TCERG1L: variants seen among roughly 807,000 people sequenced by gnomAD.
TCERG1L encodes transcription elongation regulator 1-like protein.
A neutral mutation model predicts 56.3 loss-of-function variants in TCERG1L; 37 were observed. The ratio of observed to expected loss-of-function variants is 0.66; its 90% CI spans 0.51 to 0.87. The LOEUF is 0.87. Ranked by LOEUF, TCERG1L falls within the 40% of genes least tolerant of loss-of-function variation. The pLI, the probability that TCERG1L is intolerant of heterozygous loss-of-function variation, is 0.00. For synonymous variants in TCERG1L, 324 were observed against 326.3 expected, an observed-to-expected ratio of 0.99 and a Z score of 0.08; for missense variants, 799 against 774.2, an observed-to-expected ratio of 1.03 and a Z score of -0.38.
rs115440013 is a variant in TCERG1L at position 131,187,617 on chromosome 10, G to A, written c.857-20732C>T. 3.2e-3 allele frequency among the ~76,000 whole-genome samples: 482 copies of A among 152,262 alleles called. 5 individuals carry two copies. The highest frequency in any genetic ancestry group is 0.011 in the African/African-American group (460 of 41,536). On this transcript the variant is annotated intron_variant, in intron 4 of 11. Coordinates refer to ENST00000368642, the MANE Select transcript of TCERG1L (RefSeq NM_174937.4). ...AAGAATGGCATGGTGGAAAACCAAA[G>A]GCCAAAATCAATAATCTGCCGCTTC...
chr10:131,163,629 C>G (rs1846000802), intron 5 of TCERG1L, among the ~76,000 whole-genome samples: 1 of 152,178 alleles, frequency 6.6e-6, no homozygotes, highest in Middle Eastern at 3.2e-3. Context: ...AGCCTCAAAG[C>G]TGGGGCTGCC....
At chr10:131,305,870 T>G (rs1846814095) in intron 3 of TCERG1L, among the ~76,000 whole-genome samples, 1 of 150,652 alleles carries the variant, frequency 6.6e-6, no homozygotes, top group Admixed American at 6.6e-5. Flanking sequence ...TTATATATTT[T>G]AAATGTAGTA....
In TCERG1L at chr10:131,118,492, C is replaced by T. The variant is rs752564865; in HGVS notation, c.1260-1558G>A. Among the ~76,000 whole-genome samples, 57 of 152,266 alleles carry T rather than the reference C, an allele frequency of 3.7e-4. No homozygotes were observed. The highest frequency in any genetic ancestry group is 7.6e-4 in the Non-Finnish European group (52 of 68,016). ...CCTTTGCATTGCCCAATGTGAGCAA[C>T]GGTCCTGCTAAACTGATTAGCCATA... is the stretch of plus-strand genomic sequence containing the variant. On this transcript the variant is annotated intron_variant, in intron 8 of 11. Coordinates refer to ENST00000368642, the MANE Select transcript of TCERG1L (RefSeq NM_174937.4). This position sits in a 1 kb window ranked among gnomAD's most constrained non-coding sequence, Gnocchi z 4.2.
intron 9 of TCERG1L, among the ~76,000 whole-genome samples, chr10:131,114,713 G>A (rs61862988): frequency 0.12 from 18,349 of 152,118 alleles, 1,280 homozygotes; most frequent in South Asian, 0.25. Context: ...AGGGAAGGCC[G>A]GCCTCTCAAG....
chr10:131,191,812 C>A (rs1181810124), intron 4 of TCERG1L, among the ~76,000 whole-genome samples: 3 of 110,434 alleles, frequency 2.7e-5, no homozygotes, highest in Admixed American at 2.5e-4. Flanking sequence ...TTGCAGTGAG[C>A]TGAGATCGCG....
rs377125292 is a variant in TCERG1L at position 131,093,115 on chromosome 10, G to T, written c.*47C>A. 6.3e-7 allele frequency: 1 copy of T among 1,577,942 alleles called. No homozygotes were observed. ...TCTCCACCGTGACCCCCTCGCCCCCGGCACGCCCAGGGTCAACCCCCGGGC... is the reference window on the plus strand; with the variant it reads ...TCTCCACCGTGACCCCCTCGCCCCCTGCACGCCCAGGGTCAACCCCCGGGC... On this transcript the variant is annotated 3_prime_UTR_variant, in exon 12 of 12. Coordinates refer to ENST00000368642, the MANE Select transcript of TCERG1L (RefSeq NM_174937.4).
chr10:131,211,155 G>A (rs1345496997), intron 4 of TCERG1L, among the ~76,000 whole-genome samples: 4 of 152,332 alleles, frequency 2.6e-5, no homozygotes, highest in Admixed American at 2.0e-4. Context: ...GGTGGGGCAC[G>A]GTCAGGGCCG....
intron 4 of TCERG1L, among the ~76,000 whole-genome samples, chr10:131,204,460 G>A (rs1845493672): frequency 6.6e-6 from 1 of 151,146 alleles, no homozygotes; most frequent in African/African-American, 2.4e-5. Context: ...ATGGGGATGA[G>A]GATGAGTCCA....
intron 3 of TCERG1L, among the ~76,000 whole-genome samples, chr10:131,278,345 T>C (rs933791924): frequency 3.4e-5 from 5 of 148,376 alleles, no homozygotes; most frequent in African/African-American, 7.3e-5. Flanking sequence ...TTTCTTTTTT[T>C]TTTTTTTTTT....
chr10:131,143,557 G>T (rs1397342934), intron 7 of TCERG1L, among the ~76,000 whole-genome samples: 3 of 152,166 alleles, frequency 2.0e-5, no homozygotes, highest in African/African-American at 4.8e-5. Context: ...AAGGTGGTGG[G>T]GCTACAGGTG....
intron 4 of TCERG1L, among the ~76,000 whole-genome samples, chr10:131,198,490 G>A (rs1360705398): frequency 1.3e-5 from 2 of 152,214 alleles, no homozygotes; most frequent in African/African-American, 4.8e-5. Context: ...AAACACCACC[G>A]GCTGAGTAAT....
At chr10:131,221,987 A>T (rs1845738234) in intron 4 of TCERG1L, among the ~76,000 whole-genome samples, 3 of 152,340 alleles carry the variant, frequency 2.0e-5, no homozygotes, top group Admixed American at 2.0e-4. Flanking sequence ...CGGTTTGCAG[A>T]ACTCTAAATT....
intron 4 of TCERG1L, among the ~76,000 whole-genome samples, chr10:131,168,916 A>G (rs1846061679): frequency 6.6e-6 from 1 of 152,246 alleles, no homozygotes; most frequent in South Asian, 2.1e-4. Flanking sequence ...CAGGCCTGAC[A>G]GCTGCGTGCA....
intron 4 of TCERG1L, among the ~76,000 whole-genome samples, chr10:131,256,997 G>GGAAGGAAGGAAAGA (rs1564827192): frequency 1.3e-5 from 1 of 74,168 alleles, no homozygotes; most frequent in African/African-American, 4.9e-5. Context: ...AGGAAGGAAA[G>GGAAGGAAGGAAAGA]AAAGAAAGAA....
At chr10:131,108,744 A>G (rs975332446) in intron 9 of TCERG1L, among the ~76,000 whole-genome samples, 2 of 152,172 alleles carry the variant, frequency 1.3e-5, no homozygotes, top group Non-Finnish European at 2.9e-5. Context: ...GGCTGAGATG[A>G]GGTGCCGGCA....
intron 10 of TCERG1L, among the ~76,000 whole-genome samples, chr10:131,102,275 C>T (rs933435772): frequency 6.6e-5 from 10 of 152,214 alleles, no homozygotes; most frequent in South Asian, 4.2e-4. Context: ...CAGTCAATCC[C>T]GGGAACACGT....
chr10:131,137,609 G>A lies in TCERG1L; in HGVS notation c.1190-3161C>T, dbSNP rs76912456. On this transcript the variant is annotated intron_variant, in intron 7 of 11. Coordinates refer to ENST00000368642, the MANE Select transcript of TCERG1L (RefSeq NM_174937.4). ...ACCAGAACGTACCCAGGGAGGCCACGGGGGAAACATCCACATTTCTTAAAA... is the reference window on the plus strand; with the variant it reads ...ACCAGAACGTACCCAGGGAGGCCACAGGGGAAACATCCACATTTCTTAAAA... Among the ~76,000 whole-genome samples, 830 of 152,288 alleles carry A rather than the reference G, an allele frequency of 5.5e-3. 10 individuals are homozygous for A. Among genetic ancestry groups the A allele is most frequent in the African/African-American group, 0.019 (794 of 41,562 alleles).
In TCERG1L at chr10:131,116,973, G is replaced by A. The variant is rs777205774; in HGVS notation, c.1260-39C>T. 1.9e-6 allele frequency: 3 copies of A among 1,582,418 alleles called. No homozygotes were observed. In the African/African-American group the frequency reaches 4.0e-5, roughly 21 times the overall value. On this transcript the variant is annotated intron_variant, in intron 8 of 11. Transcript: ENST00000368642. ...AGACGCAGAGTTAGACACACTCGTG[G>A]GGACCCAGCTGGTTTTTATTGCAAC...
chr10:131,205,939 G>A (rs1845519860), intron 4 of TCERG1L, among the ~76,000 whole-genome samples: 3 of 152,218 alleles, frequency 2.0e-5, no homozygotes, highest in African/African-American at 7.2e-5. Context: ...TCTCTGTGGG[G>A]TCTGTGGGCA....
Sources: allele counts gnomAD v4.1 joint callset (sites outside exome capture counted in the v4.1 genomes callset), GRCh38; gene constraint gnomAD v4.1.1; non-coding constraint Gnocchi (gnomAD v3.1); transcripts MANE v1.5; gene names NCBI Gene and HGNC (gene_info 2026-07-23, HGNC 2026-07-21).